CRKL: variants seen among roughly 807,000 people sequenced by gnomAD.
The protein encoded by CRKL is CRK like proto-oncogene, adaptor protein.
CRKL carries 3 observed loss-of-function variants against 23.0 expected under a neutral mutation model. The observed-to-expected ratio is 0.13, with a 90% CI of 0.06 to 0.34. CRKL has a LOEUF of 0.34. Among genes scored for constraint, CRKL ranks in the 10% least tolerant of loss-of-function variants. The pLI is 1.00. For missense variants in CRKL, 256 were observed against 394.5 expected (o/e 0.65, Z 2.97); for synonymous variants, 188 against 160.7 (o/e 1.17, Z -1.28).
chr22:20,925,767 G>A (rs908558320), intron 1 of CRKL, among the ~76,000 whole-genome samples: 2 of 152,156 alleles, frequency 1.3e-5, no homozygotes, highest in Admixed American at 1.3e-4. Context: ...CACCAGTTTT[G>A]TGACAGTATT....
In CRKL at chr22:20,950,217, A is replaced by G. The variant is rs944308625; in HGVS notation, c.*372A>G. On this transcript the variant is annotated 3_prime_UTR_variant, in exon 3 of 3. Coordinates refer to ENST00000354336, the MANE Select transcript of CRKL (RefSeq NM_005207.4). ...GCTTGAGGCCATGGCGAGATACTGC[A>G]TGTTTGCTGTTCCACAAAGCAGTGG... 3.9e-6 allele frequency: 1 copy of G among 254,150 alleles called. No individual in the cohort carries two copies. The highest frequency in any genetic ancestry group is 5.9e-5 in the East Asian group (1 of 16,920). 15.7% of individuals were successfully genotyped at this position (254,150 alleles called of 1,614,324 possible).
rs575011073 is a variant in CRKL at position 20,950,382 on chromosome 22, G to A, written c.*537G>A. The A allele has an allele frequency of 1.5e-4, 35 of 232,314 alleles. No homozygotes were observed. Among genetic ancestry groups the A allele is most frequent in the African/African-American group, 7.5e-4 (34 of 45,182 alleles). The allele number at this position is 232,314 out of a possible 1,614,324, so 14.4% of individuals were successfully genotyped here. A position where few individuals can be genotyped will look rare whatever the true frequency, so the allele number is the denominator to read the frequency against. On this transcript the variant is annotated 3_prime_UTR_variant, in exon 3 of 3. Coordinates refer to ENST00000354336, the MANE Select transcript of CRKL (RefSeq NM_005207.4). Reference sequence around the variant, plus strand: ...TTTGGAAAACTAATTAATTAGACTTGTGTGGGGGTTTTTTTTTGTTTTGTT... The same window carrying A: ...TTTGGAAAACTAATTAATTAGACTTATGTGGGGGTTTTTTTTTGTTTTGTT...
chr22:20,929,973 T>C (rs1016997797), intron 1 of CRKL, among the ~76,000 whole-genome samples: 1 of 152,178 alleles, frequency 6.6e-6, no homozygotes, highest in African/African-American at 2.4e-5. Context: ...GGGAGTTTGA[T>C]GAATAAATGA....
intron 1 of CRKL, among the ~76,000 whole-genome samples, chr22:20,921,753 C>T (rs568985701): frequency 6.6e-5 from 10 of 151,162 alleles, no homozygotes; most frequent in Non-Finnish European, 1.2e-4. Context: ...CTTGCTCTGT[C>T]GCCCAGGCTG....
intron 2 of CRKL, among the ~76,000 whole-genome samples, chr22:20,944,029 C>T (rs1254989604): frequency 2.7e-5 from 4 of 149,978 alleles, no homozygotes; most frequent in Non-Finnish European, 5.9e-5. Flanking sequence ...AGGTTCCTCG[C>T]AATTCTATAT....
intron 1 of CRKL, among the ~76,000 whole-genome samples, chr22:20,926,284 C>G (rs139587931): frequency 6.6e-6 from 1 of 152,252 alleles, no homozygotes; most frequent in Non-Finnish European, 1.5e-5. Flanking sequence ...AGAGAACTGT[C>G]AGATTTTAAA....
chr22:20,919,671 A>G (rs1417022629), intron 1 of CRKL, among the ~76,000 whole-genome samples: 3 of 152,220 alleles, frequency 2.0e-5, no homozygotes, highest in African/African-American at 4.8e-5. Context: ...CAAACTGGCC[A>G]GTTCGTTTCT....
chr22:20,917,745 C>T lies in CRKL; in HGVS notation c.-190C>T, dbSNP rs1929743228. On this transcript the variant is annotated 5_prime_UTR_variant, in exon 1 of 3. Coordinates refer to ENST00000354336, the MANE Select transcript of CRKL (RefSeq NM_005207.4). Reference sequence around the variant, plus strand: ...CTCTCTCCGTGTGGCGGCCCCGGAGCAGGCGGGCGGCGTCGGAGGATGCTG... The same window carrying T: ...CTCTCTCCGTGTGGCGGCCCCGGAGTAGGCGGGCGGCGTCGGAGGATGCTG... The T allele has an allele frequency of 1.3e-5, 8 of 615,930 alleles. No individual in the cohort carries two copies. The East Asian group carries it at 2.3e-4, about 18-fold the overall frequency. The allele number at this position is 615,930 out of a possible 1,614,324, so 38.2% of individuals were successfully genotyped here. A position where few individuals can be genotyped will look rare whatever the true frequency, so the allele number is the denominator to read the frequency against.
chr22:20,948,869 G>A (rs1922165798), intron 2 of CRKL, among the ~76,000 whole-genome samples: 1 of 152,146 alleles, frequency 6.6e-6, no homozygotes. Flanking sequence ...TTATATTCAA[G>A]TAGCGTTTTT....
At chr22:20,942,600 G>C (rs1190664702) in intron 2 of CRKL, among the ~76,000 whole-genome samples, 1 of 152,044 alleles carries the variant, frequency 6.6e-6, no homozygotes, top group African/African-American at 2.4e-5. Context: ...GTGGATTTCT[G>C]GGTCAAATGG....
At chr22:20,942,627 CT>C (rs111837295) in intron 2 of CRKL, among the ~76,000 whole-genome samples, 48 of 146,122 alleles carry the variant, frequency 3.3e-4, no homozygotes, top group Non-Finnish European at 2.3e-4. Flanking sequence ...CTGTGTTTAG[CT>C]TTTTTTTTTT....
Position 20,949,569 on chromosome 22 carries a change from T to G in CRKL, c.778-142T>G. ...TTGAGCAGGGATCTCACCACTACACTCCAGCATGGCTAACAGAGTGAGACC... is the reference window on the plus strand; with the variant it reads ...TTGAGCAGGGATCTCACCACTACACGCCAGCATGGCTAACAGAGTGAGACC... On this transcript the variant is annotated intron_variant, in intron 2 of 2. Transcript: ENST00000354336. 8 of 1,153,576 alleles carry G rather than the reference T, an allele frequency of 6.9e-6. No individual in the cohort carries two copies. In the South Asian group the frequency reaches 1.0e-4, roughly 15 times the overall value. 71.5% of individuals were successfully genotyped at this position (1,153,576 alleles called of 1,614,324 possible).
intron 2 of CRKL, among the ~76,000 whole-genome samples, chr22:20,940,873 G>T (rs12165517): frequency 6.6e-6 from 1 of 152,194 alleles, no homozygotes. Context: ...TCATTGCTTA[G>T]AATTAAATTT....
chr22:20,923,966 C>T (rs1398482563), intron 1 of CRKL, among the ~76,000 whole-genome samples: 1 of 151,732 alleles, frequency 6.6e-6, no homozygotes, highest in African/African-American at 2.4e-5. Context: ...GCAGGAGGAT[C>T]GCTAGATCCC....
chr22:20,941,574 G>GTATATA (rs1921879056), intron 2 of CRKL, among the ~76,000 whole-genome samples: 1 of 40,566 alleles, frequency 2.5e-5, no homozygotes, highest in African/African-American at 9.4e-5. Flanking sequence ...GTGTGTGTGT[G>GTATATA]TGTGTATATA....
chr22:20,946,240 C>T (rs561874077), intron 2 of CRKL, among the ~76,000 whole-genome samples: 5 of 152,320 alleles, frequency 3.3e-5, no homozygotes, highest in African/African-American at 9.6e-5. Flanking sequence ...AGTGCGTTGA[C>T]TGCTCTTTGA....
At chr22:20,927,111 CAAAAAAAAAAAAA>C (rs371278201) in intron 1 of CRKL, among the ~76,000 whole-genome samples, 2 of 48,522 alleles carry the variant, frequency 4.1e-5, no homozygotes, top group African/African-American at 1.1e-4. Context: ...GACTCCGTCT[CAAAAAAAAAAAAA>C]AAAAAAAAAA....
At chr22:20,925,337 A>G (rs1367276738) in intron 1 of CRKL, among the ~76,000 whole-genome samples, 4 of 150,618 alleles carry the variant, frequency 2.7e-5, no homozygotes, top group African/African-American at 7.3e-5. Flanking sequence ...GGTCTTTAAG[A>G]TTAAAATATT....
At position 20,950,207 on chromosome 22, in the gene CRKL, G is replaced by A. The variant is rs17212305; in HGVS notation, c.*362G>A. ...ACCAGAGAAAGCTTGAGGCCATGGC[G>A]AGATACTGCATGTTTGCTGTTCCAC... is the stretch of plus-strand genomic sequence containing the variant. On this transcript the variant is annotated 3_prime_UTR_variant, in exon 3 of 3. Transcript: ENST00000354336. 829 of 262,752 alleles carry A rather than the reference G, an allele frequency of 3.2e-3. 23 individuals carry two copies. In the East Asian group the frequency reaches 0.041, roughly 13 times the overall value. 16.3% of individuals were successfully genotyped at this position (262,752 alleles called of 1,614,324 possible). A position where few individuals can be genotyped will look rare whatever the true frequency, so the allele number is the denominator to read the frequency against.
Sources: gnomAD v4.1 joint callset for allele counts (sites outside exome capture counted in the v4.1 genomes callset) on GRCh38, gnomAD v4.1.1 for gene constraint, MANE v1.5 for transcripts, NCBI Gene and HGNC (gene_info 2026-07-23, HGNC 2026-07-21) for gene names.